NEGR1: variants seen among roughly 807,000 people sequenced by gnomAD.
NEGR1 encodes IgLON family member 4.
NEGR1 carries 10 observed loss-of-function variants against 40.9 expected under a neutral mutation model. The observed-to-expected ratio is 0.24, with a 90% confidence interval of 0.15 to 0.42. NEGR1 has a LOEUF of 0.42. Among genes scored for constraint, NEGR1 ranks in the 10% least tolerant of loss-of-function variants. The probability of loss-of-function intolerance (pLI) is 1.00; values close to 1 mark genes in which losing one functional copy is unlikely to be tolerated. For missense variants in NEGR1, 352 were observed against 438.9 expected (o/e 0.80, Z 1.77); for synonymous variants, 185 against 166.8 (o/e 1.11, Z -0.84).
At chr1:72,071,735 AG>A (rs1306807198) in intron 1 of NEGR1, among the ~76,000 whole-genome samples, 3 of 152,084 alleles carry the variant, frequency 2.0e-5, no homozygotes, top group Admixed American at 6.6e-5. Flanking sequence ...TATCTTTCAA[AG>A]GGGTCTTTTC....
chr1:71,429,536 G>C (rs1423786966), intron 6 of NEGR1, among the ~76,000 whole-genome samples: 1 of 152,114 alleles, frequency 6.6e-6, no homozygotes, highest in Non-Finnish European at 1.5e-5. Context: ...ATCCATCAGA[G>C]GCTTTCTCCA....
intron 6 of NEGR1, among the ~76,000 whole-genome samples, chr1:71,470,580 T>C (rs1468449197): frequency 6.6e-6 from 1 of 152,124 alleles, no homozygotes; most frequent in East Asian, 1.9e-4. Context: ...GAGAGAGTTT[T>C]TGAGAGATGA....
At chr1:71,579,522 A>T (rs139065144) in intron 6 of NEGR1, among the ~76,000 whole-genome samples, 2,259 of 152,262 alleles carry the variant, frequency 0.015, 77 homozygotes, top group Admixed American at 0.065. Flanking sequence ...TCCTTTAAAT[A>T]ATTAAGAAGA....
chr1:71,568,327 T>C (rs1309078758), intron 6 of NEGR1, among the ~76,000 whole-genome samples: 2 of 152,208 alleles, frequency 1.3e-5, no homozygotes, highest in Non-Finnish European at 2.9e-5. Flanking sequence ...GAATCATTTC[T>C]GGTAAATTTA....
chr1:72,135,220 C>CA (rs1344967115), intron 1 of NEGR1, among the ~76,000 whole-genome samples: 4 of 148,944 alleles, frequency 2.7e-5, no homozygotes, highest in Admixed American at 1.3e-4. Context: ...ACTAAAAATA[C>CA]AAAAAATTAG....
intron 4 of NEGR1, among the ~76,000 whole-genome samples, chr1:71,616,168 G>T (rs141142937): frequency 6.6e-6 from 1 of 152,162 alleles, no homozygotes; most frequent in African/African-American, 2.4e-5. Context: ...TATTGCAGGG[G>T]TCTGTTAGGA....
At chr1:71,942,452 A>AATAT (rs1409165579) in intron 1 of NEGR1, among the ~76,000 whole-genome samples, 3 of 34,256 alleles carry the variant, frequency 8.8e-5, no homozygotes, top group Non-Finnish European at 1.7e-4. Flanking sequence ...AAATTCTTTA[A>AATAT]ATCTATATAT....
intron 1 of NEGR1, among the ~76,000 whole-genome samples, chr1:72,013,957 G>GAA (rs1646684033): frequency 1.2e-5 from 1 of 82,740 alleles, no homozygotes; most frequent in African/African-American, 5.6e-5. Flanking sequence ...GATGCTCTGT[G>GAA]AAAAATAAAA....
chr1:71,768,969 A>G (rs1455589183), intron 3 of NEGR1, among the ~76,000 whole-genome samples: 1 of 151,840 alleles, frequency 6.6e-6, no homozygotes, highest in Non-Finnish European at 1.5e-5. Flanking sequence ...TTCACTTTCC[A>G]CCATGACTAT....
chr1:71,754,847 AG>A (rs1655681181), intron 3 of NEGR1, among the ~76,000 whole-genome samples: 1 of 152,080 alleles, frequency 6.6e-6, no homozygotes, highest in African/African-American at 2.4e-5. Context: ...TCACTCTTCT[AG>A]GTCTTCATCT....
At position 72,258,709 on chromosome 1, in the gene NEGR1, AAT is replaced by A. The variant is rs143267267; in HGVS notation, c.176+23608_176+23609del. Among the ~76,000 whole-genome samples the A allele has an allele frequency of 5.8e-3, 881 of 152,262 alleles. 11 individuals carry two copies. Among genetic ancestry groups the A allele is most frequent in the African/African-American group, 0.02 (842 of 41,580 alleles). ...CTCTACCTTAAAAATTCAAAATGAT[AAT>A]GAGTACTGAGAAATAGCTTACAATT... On this transcript the variant is annotated intron_variant, in intron 1 of 6. Coordinates refer to ENST00000357731, the MANE Select transcript of NEGR1 (RefSeq NM_173808.3).
intron 6 of NEGR1, among the ~76,000 whole-genome samples, chr1:71,528,500 T>C (rs76543762): frequency 0.019 from 2,908 of 151,384 alleles, 83 homozygotes; most frequent in African/African-American, 0.067. Flanking sequence ...AAATGGATCT[T>C]CCTGGGGTAA....
intron 2 of NEGR1, among the ~76,000 whole-genome samples, chr1:71,787,131 C>T (rs553736380): frequency 3.3e-5 from 5 of 152,304 alleles, no homozygotes; most frequent in East Asian, 1.9e-4. Flanking sequence ...GCACAAATTG[C>T]AGTCTTCTGA....
chr1:72,107,633 G>A (rs1649189773), intron 1 of NEGR1, among the ~76,000 whole-genome samples: 2 of 151,102 alleles, frequency 1.3e-5, no homozygotes, highest in South Asian at 2.1e-4. Flanking sequence ...CTTCTCAAAA[G>A]CTAATGTGTT....
intron 4 of NEGR1, among the ~76,000 whole-genome samples, chr1:71,631,930 T>A (rs949664532): frequency 1.3e-4 from 19 of 151,896 alleles, no homozygotes; most frequent in African/African-American, 4.6e-4. Context: ...ATTAGAATCT[T>A]AACTTCCAGA....
intron 1 of NEGR1, among the ~76,000 whole-genome samples, chr1:71,986,052 C>T (rs540503358): frequency 1.3e-5 from 2 of 152,270 alleles, no homozygotes; most frequent in Admixed American, 1.3e-4. Context: ...CTTGAGTATA[C>T]ATGAAGTGGA....
At chr1:72,155,560 T>C (rs963569931) in intron 1 of NEGR1, among the ~76,000 whole-genome samples, 2 of 152,120 alleles carry the variant, frequency 1.3e-5, no homozygotes, top group Non-Finnish European at 2.9e-5. Flanking sequence ...CTTCTCAGGT[T>C]ATTAATTGAA....
At chr1:71,850,007 G>T (rs1370445256) in intron 2 of NEGR1, among the ~76,000 whole-genome samples, 1 of 152,018 alleles carries the variant, frequency 6.6e-6, no homozygotes, top group Non-Finnish European at 1.5e-5. Flanking sequence ...AAACAAACTG[G>T]CAATGTCTCC....
chr1:71,930,391 T>C (rs1399247478), intron 2 of NEGR1, among the ~76,000 whole-genome samples: 1 of 152,182 alleles, frequency 6.6e-6, no homozygotes, highest in Non-Finnish European at 1.5e-5. Context: ...TCTAGATATA[T>C]TGGCTTTCAG....
Sources: gnomAD v4.1 joint callset for allele counts (sites outside exome capture counted in the v4.1 genomes callset) on GRCh38, gnomAD v4.1.1 for gene constraint, MANE v1.5 for transcripts, NCBI Gene and HGNC (gene_info 2026-07-23, HGNC 2026-07-21) for gene names.